Variants in WNK3 observed in about 807,000 individuals in gnomAD.
The protein encoded by WNK3 is serine/threonine-protein kinase WNK3.
In WNK3, 18 loss-of-function variants were observed where a neutral mutation model predicts 116.7. The observed-to-expected ratio is 0.15, with a 90% confidence interval of 0.11 to 0.23. The LOEUF is 0.23. Among genes scored for constraint, WNK3 ranks in the 10% least tolerant of loss-of-function variants. WNK3 has a pLI of 1.00. For missense variants in WNK3, 993 were observed against 1,323.8 expected, an observed-to-expected ratio of 0.75 and a Z score of 3.88; for synonymous variants, 404 against 469.4, an observed-to-expected ratio of 0.86 and a Z score of 1.80.
chrX:54,233,589 T>A (rs1557149547), intron 20 of WNK3, among the ~76,000 whole-genome samples: 1 of 110,271 alleles, frequency 9.1e-6, no homozygotes, highest in East Asian at 2.8e-4. Context: ...ACTGTAATAA[T>A]CACTCATGAA....
chrX:54,279,264 C>T (rs1213097089), intron 10 of WNK3, among the ~76,000 whole-genome samples: 1 of 109,324 alleles, frequency 9.1e-6, no homozygotes, highest in Non-Finnish European at 1.9e-5. Flanking sequence ...TTTTTCTCTT[C>T]GTAATTTCTT....
intron 2 of WNK3, among the ~76,000 whole-genome samples, chrX:54,317,848 G>A (rs1357910221): frequency 9.3e-6 from 1 of 108,104 alleles, no homozygotes; most frequent in Admixed American, 1.0e-4. Flanking sequence ...TAGCCAGGAT[G>A]GTCTCGATCT....
intron 22 of WNK3, among the ~76,000 whole-genome samples, chrX:54,214,407 T>C (rs782649837): frequency 1.8e-5 from 2 of 110,567 alleles, no homozygotes; most frequent in African/African-American, 3.3e-5. Context: ...CTTCAGAAAA[T>C]AGAAAAGGAA....
intron 11 of WNK3, among the ~76,000 whole-genome samples, chrX:54,256,193 A>C (rs1557155511): frequency 1.8e-5 from 2 of 111,913 alleles, no homozygotes; most frequent in Admixed American, 1.9e-4. Context: ...AATGAAAGAA[A>C]AATATTGCCA....
chrX:54,345,266 A>T (rs1273641703), intron 1 of WNK3, among the ~76,000 whole-genome samples: 5 of 101,462 alleles, frequency 4.9e-5, no homozygotes, highest in South Asian at 9.1e-4. Context: ...CAACAACAAC[A>T]ACAACAACTA....
chrX:54,261,805 A>AT (rs1449911014), intron 10 of WNK3, among the ~76,000 whole-genome samples: 2 of 111,922 alleles, frequency 1.8e-5, no homozygotes, highest in South Asian at 3.7e-4. Context: ...CAAACATCTA[A>AT]TTTTTTTGCT....
intron 1 of WNK3, among the ~76,000 whole-genome samples, chrX:54,335,184 G>A (rs782734977): frequency 5.4e-5 from 6 of 110,610 alleles, no homozygotes; most frequent in Admixed American, 9.8e-5. Context: ...AGAATCACTC[G>A]AACCTGGGAG....
intron 10 of WNK3, among the ~76,000 whole-genome samples, chrX:54,292,481 G>T (rs907516732): frequency 4.5e-5 from 5 of 110,580 alleles, no homozygotes; most frequent in African/African-American, 1.6e-4. Flanking sequence ...GAGGCAGGCG[G>T]ATCACCTGAG....
At chrX:54,220,083 G>A (rs1304099453) in intron 22 of WNK3, among the ~76,000 whole-genome samples, 1 of 111,788 alleles carries the variant, frequency 8.9e-6, no homozygotes, top group African/African-American at 3.2e-5. Flanking sequence ...CTTTATTTCA[G>A]AGACCTAATG....
intron 20 of WNK3, among the ~76,000 whole-genome samples, chrX:54,234,302 G>T (rs1205098659): frequency 9.0e-6 from 1 of 111,097 alleles, no homozygotes; most frequent in African/African-American, 3.3e-5. Context: ...AGCCCAGGAG[G>T]TAGAGGCTGC....
chrX:54,282,786 C>A (rs781914475), intron 10 of WNK3, among the ~76,000 whole-genome samples: 48 of 111,635 alleles, frequency 4.3e-4, no homozygotes, highest in African/African-American at 1.5e-3. Flanking sequence ...TGAAATTAGA[C>A]CCCTACCTCA....
chrX:54,248,843 T>C (rs55903619), exon 17 of WNK3: 13 of 1,209,901 alleles, frequency 1.1e-5, no homozygotes, highest in Middle Eastern at 2.3e-4. Context: ...GGGCTATCTT[T>C]AATTCCACAG....
chrX:54,294,644 A>G, exon 8 of WNK3: 2 of 1,208,654 alleles, frequency 1.7e-6, no homozygotes, highest in Non-Finnish European at 1.1e-6. Context: ...ATTCAGCCCC[A>G]GTTTGCTGAG....
intron 1 of WNK3, among the ~76,000 whole-genome samples, chrX:54,354,820 A>C (rs1224935251): frequency 8.9e-6 from 1 of 111,908 alleles, no homozygotes; most frequent in Non-Finnish European, 1.9e-5. Context: ...TAGCGGGCCC[A>C]TGCCTGTAAT....
At chrX:54,273,295 T>C (rs782199422) in intron 10 of WNK3, among the ~76,000 whole-genome samples, 2 of 112,048 alleles carry the variant, frequency 1.8e-5, no homozygotes, top group Non-Finnish European at 1.9e-5. Context: ...AATTATTACT[T>C]TAAAAACCTA....
At chrX:54,289,718 C>A (rs1214025936) in intron 10 of WNK3, among the ~76,000 whole-genome samples, 2 of 110,873 alleles carry the variant, frequency 1.8e-5, no homozygotes, top group Non-Finnish European at 3.8e-5. Context: ...GGCTGATGGG[C>A]CCCTGAATGC....
chrX:54,245,946 C>T (rs782551999), intron 17 of WNK3, among the ~76,000 whole-genome samples: 9 of 112,160 alleles, frequency 8.0e-5, no homozygotes, highest in Admixed American at 7.6e-4. Context: ...AAAATTACTG[C>T]GCCCAGCCAT....
chrX:54,210,530 G>A (rs1052900957), intron 22 of WNK3, among the ~76,000 whole-genome samples: 1 of 111,591 alleles, frequency 9.0e-6, no homozygotes, highest in African/African-American at 3.3e-5. Flanking sequence ...GGGAGGCTGA[G>A]GCAGGAGGAT....
intron 21 of WNK3, among the ~76,000 whole-genome samples, chrX:54,231,250 C>G (rs2067896273): frequency 8.9e-6 from 1 of 112,290 alleles, no homozygotes. Flanking sequence ...TCTAAGTCTA[C>G]CCCTTAATTC....
Sources: gnomAD v4.1 joint callset for allele counts (sites outside exome capture counted in the v4.1 genomes callset) on GRCh38, gnomAD v4.1.1 for gene constraint, MANE v1.5 for transcripts, NCBI Gene and HGNC (gene_info 2026-07-23, HGNC 2026-07-21) for gene names.